The following FSTL5 variants were observed in gnomAD, a reference collection of about 807,000 sequenced individuals.
The protein encoded by FSTL5 is follistatin-related protein 5.
Under a neutral mutation model 89.1 loss-of-function variants are expected in FSTL5, and 62 were observed. The observed-to-expected ratio is 0.70, with a 90% CI of 0.57 to 0.86. The LOEUF is 0.86. FSTL5 is among the 40% of genes least tolerant of loss of function. The pLI, the probability that FSTL5 is intolerant of heterozygous loss-of-function variation, is 0.00. For synonymous variants in FSTL5, 383 were observed against 346.2 expected, an observed-to-expected ratio of 1.11 and a Z score of -1.18; for missense variants, 1,057 against 1,001.6, an observed-to-expected ratio of 1.06 and a Z score of -0.75.
intron 15 of FSTL5, among the ~76,000 whole-genome samples, chr4:161,392,577 C>A (rs954687812): frequency 4.6e-5 from 7 of 152,054 alleles, no homozygotes; most frequent in African/African-American, 1.7e-4. Context: ...TATTAAAGCC[C>A]TCTAACTCTT....
chr4:161,613,107 C>T (rs1268500522), intron 7 of FSTL5, among the ~76,000 whole-genome samples: 1 of 152,060 alleles, frequency 6.6e-6, no homozygotes, highest in African/African-American at 2.4e-5. Flanking sequence ...GAATCTAGGA[C>T]TAATACATGA....
In FSTL5 at chr4:161,385,511, C is replaced by A; in HGVS notation, c.*236G>T. ...TAAAGCATAATTTACATATTTGATT[C>A]TTGTGACTGATGTGATTTCTCATTA... On this transcript the variant is annotated 3_prime_UTR_variant, in exon 16 of 16. Coordinates refer to ENST00000306100, the MANE Select transcript of FSTL5 (RefSeq NM_020116.5). 1 of 429,376 alleles carries A rather than the reference C, an allele frequency of 2.3e-6. No individual in the cohort carries two copies. The highest frequency in any genetic ancestry group is 4.1e-6 in the Non-Finnish European group (1 of 243,910). The allele number at this position is 429,376 out of a possible 1,614,324, so 26.6% of individuals were successfully genotyped here.
chr4:161,833,454 T>C (rs1730918798), intron 4 of FSTL5, among the ~76,000 whole-genome samples: 1 of 90,742 alleles, frequency 1.1e-5, no homozygotes, highest in Non-Finnish European at 2.5e-5. Flanking sequence ...TTCTGTCTCG[T>C]TGATCTGTCT....
At chr4:161,985,018 G>A (rs773245422) in intron 3 of FSTL5, among the ~76,000 whole-genome samples, 13 of 150,544 alleles carry the variant, frequency 8.6e-5, no homozygotes, top group Admixed American at 2.0e-4. Flanking sequence ...GTGCAGTGGC[G>A]TGATCATGGC....
intron 13 of FSTL5, among the ~76,000 whole-genome samples, chr4:161,475,991 G>A (rs1734121671): frequency 1.3e-5 from 2 of 151,956 alleles, no homozygotes; most frequent in Admixed American, 1.3e-4. Context: ...CTGACCTCGT[G>A]ATCCGCCCGC....
intron 4 of FSTL5, among the ~76,000 whole-genome samples, chr4:161,780,249 G>GCA (rs1179924976): frequency 6.6e-6 from 1 of 151,296 alleles, no homozygotes; most frequent in African/African-American, 2.4e-5. Context: ...AAAACATCTA[G>GCA]CACGGTTAAT....
intron 3 of FSTL5, among the ~76,000 whole-genome samples, chr4:161,999,904 C>T (rs779120155): frequency 1.2e-4 from 19 of 152,120 alleles, no homozygotes; most frequent in Non-Finnish European, 1.8e-4. Context: ...AATTCACCTC[C>T]GATTTCCCAA....
Position 161,693,341 on chromosome 4 carries a change from CTT to C in FSTL5, c.728-36849_728-36848del, listed in dbSNP as rs531438289. 2.5e-3 allele frequency among the ~76,000 whole-genome samples: 379 copies of C among 152,186 alleles called. 2 individuals carry two copies. Among genetic ancestry groups the C allele is most frequent in the Non-Finnish European group, 2.8e-3 (188 of 68,004 alleles). ...CAGAAAATATTATGATGTGTTTCCT[CTT>C]ATATTTTTGTAAGATTTTGAGTAGT... On this transcript the variant is annotated intron_variant, in intron 6 of 15. Transcript: ENST00000306100.
intron 7 of FSTL5, among the ~76,000 whole-genome samples, chr4:161,600,158 AACACACACACACACACACACACAC>A (rs71598717): frequency 3.5e-5 from 5 of 141,986 alleles, no homozygotes; most frequent in African/African-American, 1.3e-4. Flanking sequence ...AATGTCAATA[AACACACACACACACACACACACAC>A]ACACACACAC....
At chr4:162,019,256 T>G (rs1578952015) in intron 3 of FSTL5, among the ~76,000 whole-genome samples, 1 of 152,108 alleles carries the variant, frequency 6.6e-6, no homozygotes, top group Non-Finnish European at 1.5e-5. Flanking sequence ...TGCTACCTAT[T>G]AAAACTCTAG....
At chr4:161,774,771 A>G (rs1741346542) in intron 5 of FSTL5, among the ~76,000 whole-genome samples, 1 of 100,510 alleles carries the variant, frequency 9.9e-6, no homozygotes, top group Non-Finnish European at 1.7e-5. Flanking sequence ...TTAACTAGTT[A>G]TTTATTCTTA....
intron 6 of FSTL5, among the ~76,000 whole-genome samples, chr4:161,677,585 A>C (rs1408295099): frequency 6.6e-6 from 1 of 151,920 alleles, no homozygotes; most frequent in Non-Finnish European, 1.5e-5. Context: ...TTAGCTACAA[A>C]GTTTCGAGGA....
At chr4:161,554,112 CTAAA>C (rs1193510208) in intron 8 of FSTL5, among the ~76,000 whole-genome samples, 1 of 151,046 alleles carries the variant, frequency 6.6e-6, no homozygotes, top group African/African-American at 2.4e-5. Context: ...ATGGAGGAAA[CTAAA>C]TAAAATAAAG....
rs527748036 is a variant in FSTL5, at chr4:161,820,661, A to G, written c.410-44587T>C. On this transcript the variant is annotated intron_variant, in intron 4 of 15. Transcript: ENST00000306100. ...GAGAGCCTTCCAGAGGTGATTCTCA[A>G]TGCTCATTTCCTTCACGGACTTGGC... Among the ~76,000 whole-genome samples the G allele has an allele frequency of 5.9e-5, 9 of 152,268 alleles. No homozygotes were observed. The East Asian group carries it at 1.7e-3, about 29-fold the overall frequency.
chr4:161,419,258 T>G (rs1446301779), intron 15 of FSTL5, among the ~76,000 whole-genome samples: 1 of 152,180 alleles, frequency 6.6e-6, no homozygotes, highest in Admixed American at 6.5e-5. Context: ...TTGCCCAGCC[T>G]TTGTAATCAT....
chr4:161,450,980 G>A (rs911167895), intron 15 of FSTL5, among the ~76,000 whole-genome samples: 2 of 151,858 alleles, frequency 1.3e-5, no homozygotes, highest in Non-Finnish European at 2.9e-5. Context: ...TCCTGACCTC[G>A]TGATCTGCCC....
intron 15 of FSTL5, among the ~76,000 whole-genome samples, chr4:161,442,684 G>A (rs1041546706): frequency 6.6e-6 from 1 of 152,010 alleles, no homozygotes; most frequent in East Asian, 1.9e-4. Context: ...AACTGTTATA[G>A]GAAAAATACT....
chr4:161,917,401 T>G (rs866108308), intron 4 of FSTL5, among the ~76,000 whole-genome samples: 5 of 152,324 alleles, frequency 3.3e-5, no homozygotes, highest in Middle Eastern at 3.4e-3. Flanking sequence ...CCAGGACTTT[T>G]TAATTAAAAT....
intron 3 of FSTL5, among the ~76,000 whole-genome samples, chr4:161,947,696 T>A (rs1734773735): frequency 6.6e-6 from 1 of 152,178 alleles, no homozygotes; most frequent in Non-Finnish European, 1.5e-5. Flanking sequence ...CAGAATACTT[T>A]GGGCTAGTCG....
Sources: allele counts gnomAD v4.1 joint callset (sites outside exome capture counted in the v4.1 genomes callset), GRCh38; gene constraint gnomAD v4.1.1; transcripts MANE v1.5; gene names NCBI Gene and HGNC (gene_info 2026-07-23, HGNC 2026-07-21).